The following COL19A1 variants were observed in gnomAD, a reference collection of about 807,000 sequenced individuals.
COL19A1 encodes collagen type XIX alpha 1 chain, also known as collagen alpha-1(XIX) chain.
In COL19A1, 159 loss-of-function variants were observed where a neutral mutation model predicts 190.2. That is an observed-to-expected ratio of 0.84 (90% confidence interval 0.73 to 0.95). COL19A1 has a LOEUF of 0.95. COL19A1 is among the 40% of genes least tolerant of loss of function. The probability of loss-of-function intolerance (pLI) is 0.00; values close to 1 mark genes in which losing one functional copy is unlikely to be tolerated. For missense variants in COL19A1, 1,418 were observed against 1,431.9 expected, an observed-to-expected ratio of 0.99 and a Z score of 0.16; for synonymous variants, 509 against 458.9, an observed-to-expected ratio of 1.11 and a Z score of -1.39.
rs1235501802 is a variant in COL19A1, at chr6:70,156,656, T to A, written c.2239-14T>A. On this transcript the variant is annotated splice_polypyrimidine_tract_variant and intron_variant, in intron 33 of 50. Coordinates refer to ENST00000620364, the MANE Select transcript of COL19A1 (RefSeq NM_001858.6). ...AATGATTGCATGTGCTAGCTGAATG[T>A]ATTGTCTTTTTAGGGAAGCAAAGGA... The A allele has an allele frequency of 1.2e-6, 2 of 1,611,112 alleles. No individual in the cohort carries two copies. Among genetic ancestry groups the A allele is most frequent in the Non-Finnish European group, 1.7e-6 (2 of 1,178,176 alleles).
rs779013876 is a variant in COL19A1, at chr6:70,023,645, G to A, written c.1045G>A (p.Gly349Arg). 1 of 1,610,686 alleles carries A rather than the reference G, an allele frequency of 6.2e-7. No homozygotes were observed. Among genetic ancestry groups the A allele is most frequent in the Non-Finnish European group, 8.5e-7 (1 of 1,179,134 alleles). ...TTTTTAGGGTGAACAAGGAGAAAAAGGAGATCCAGCTCTGGCTGGCCTTAA... is the reference window on the plus strand; with the variant it reads ...TTTTTAGGGTGAACAAGGAGAAAAAAGAGATCCAGCTCTGGCTGGCCTTAA... Reference protein sequence around the residue: ...TGEKGEQGEKGDPALAGLNGE... With the variant: ...TGEKGEQGEKRDPALAGLNGE... The change falls in exon 12 of 51, where the codon GGA becomes AGA. Residue 349 changes from glycine to arginine, a missense_variant. By Grantham distance (125) the Gly-to-Arg change is moderately radical (BLOSUM62 -2). Coordinates refer to ENST00000620364, the MANE Select transcript of COL19A1 (RefSeq NM_001858.6).
chr6:69,900,407 T>C, intron 4 of COL19A1, 69 bp downstream of exon 4: 1 of 858,354 alleles, frequency 1.2e-6, no homozygotes, highest in Non-Finnish European at 1.7e-6. Context: ...AGATTTCAAA[T>C]AATTTGTTTT....
In COL19A1 at chr6:69,932,771, A is replaced by T. The variant is rs1253106672; in HGVS notation, c.667-12A>T. The stretch of plus-strand genomic sequence containing the variant: ...AAACTAAAGATGTTTCTTATTACTA[A>T]TTTTTTCATAGATTGAACTTCACCA... On this transcript the variant is annotated splice_polypyrimidine_tract_variant and intron_variant, in intron 6 of 50. Transcript: ENST00000620364. 6.5e-7 allele frequency: 1 copy of T among 1,545,284 alleles called. No homozygotes were observed. Among genetic ancestry groups the T allele is most frequent in the East Asian group, 2.3e-5 (1 of 43,528 alleles).
intron 16 of COL19A1, among the ~76,000 whole-genome samples, chr6:70,116,768 A>G (rs548179443): frequency 1.4e-4 from 21 of 152,292 alleles, no homozygotes; most frequent in Admixed American, 5.9e-4. Context: ...CAAGCATTCT[A>G]TCTGTTCTTA....
rs1316135178 is a variant in COL19A1, at chr6:70,212,394, T to C, written c.*5120T>C. On this transcript the variant is annotated 3_prime_UTR_variant, in exon 51 of 51. Coordinates refer to ENST00000620364, the MANE Select transcript of COL19A1 (RefSeq NM_001858.6). ...GGGCATAATGCTTTGAGGCCTTGAT[T>C]CCTACATGTTCATTATGCATAATGA... 1.3e-5 allele frequency among the ~76,000 whole-genome samples: 2 copies of C among 152,230 alleles called. No homozygotes were observed. Among genetic ancestry groups the C allele is most frequent in the African/African-American group, 4.8e-5 (2 of 41,462 alleles).
At chr6:69,991,952 ATCT>A (rs1036411914) in intron 11 of COL19A1, among the ~76,000 whole-genome samples, 2 of 152,018 alleles carry the variant, frequency 1.3e-5, no homozygotes, top group African/African-American at 4.8e-5. Flanking sequence ...TGCTTTTGTC[ATCT>A]TCATCATGAA....
intron 11 of COL19A1, among the ~76,000 whole-genome samples, chr6:70,002,007 A>T (rs1040384103): frequency 1.3e-5 from 2 of 152,214 alleles, no homozygotes; most frequent in African/African-American, 4.8e-5. Flanking sequence ...TGGGTTTATC[A>T]TAAATAGCTC....
At chr6:69,962,435 C>T (rs966403911) in intron 10 of COL19A1, among the ~76,000 whole-genome samples, 1 of 152,114 alleles carries the variant, frequency 6.6e-6, no homozygotes, top group African/African-American at 2.4e-5. Flanking sequence ...AGGCTGTTTC[C>T]ACTGAATCTA....
chr6:70,162,858 T>C (rs1438088396), intron 35 of COL19A1, among the ~76,000 whole-genome samples: 2 of 151,700 alleles, frequency 1.3e-5, no homozygotes, highest in Non-Finnish European at 2.9e-5. Flanking sequence ...TGAAAAAGAG[T>C]TGTGAAAGAA....
intron 40 of COL19A1, 99 bp downstream of exon 40, chr6:70,168,780 C>A: frequency 8.3e-7 from 1 of 1,200,728 alleles, no homozygotes; most frequent in Non-Finnish European, 1.2e-6. Flanking sequence ...CTTAGGTGTT[C>A]ATCAATTAAC....
intron 48 of COL19A1, among the ~76,000 whole-genome samples, chr6:70,191,684 A>G (rs1766882728): frequency 6.6e-6 from 1 of 152,218 alleles, no homozygotes; most frequent in Non-Finnish European, 1.5e-5. Context: ...CATGATTTTG[A>G]CAAATGGTTT....
intron 48 of COL19A1, among the ~76,000 whole-genome samples, chr6:70,196,555 CAT>C (rs1383915696): frequency 3.2e-4 from 49 of 152,314 alleles, no homozygotes; most frequent in African/African-American, 8.2e-4. Context: ...GGCCAGATGA[CAT>C]GTGTGTGTTC....
chr6:69,932,652 A>T (rs1772853705), intron 6 of COL19A1, 131 bp from the exon 7 acceptor site: 1 of 583,364 alleles, frequency 1.7e-6, no homozygotes, highest in African/African-American at 1.9e-5. Context: ...TAATAAAAAC[A>T]TTAAAATATC....
Position 70,023,693 on chromosome 6 carries a change from C to G in COL19A1, c.1080+13C>G, listed in dbSNP as rs769816038. 6.2e-7 allele frequency: 1 copy of G among 1,603,272 alleles called. No individual in the cohort carries two copies. Among genetic ancestry groups the G allele is most frequent in the Non-Finnish European group, 8.5e-7 (1 of 1,175,284 alleles). ...TAATGGAGAAAATGTAAGCCTAACT[C>G]TTTTTTCTGATACTCTGTTTACATT... On this transcript the variant is annotated intron_variant, in intron 12 of 50. Coordinates refer to ENST00000620364, the MANE Select transcript of COL19A1 (RefSeq NM_001858.6).
chr6:69,986,859 G>C (rs1452778093), intron 11 of COL19A1, among the ~76,000 whole-genome samples: 1 of 152,094 alleles, frequency 6.6e-6, no homozygotes, highest in Non-Finnish European at 1.5e-5. Context: ...GAGTGCAATT[G>C]CCCATTAGAA....
intron 16 of COL19A1, among the ~76,000 whole-genome samples, chr6:70,109,450 T>C (rs1358711300): frequency 6.6e-6 from 1 of 151,882 alleles, no homozygotes; most frequent in Non-Finnish European, 1.5e-5. Context: ...CTTCATCATA[T>C]AGGGCCTTAT....
intron 31 of COL19A1, among the ~76,000 whole-genome samples, chr6:70,151,660 G>A (rs1787064225): frequency 6.6e-6 from 1 of 152,018 alleles, no homozygotes; most frequent in South Asian, 2.1e-4. Flanking sequence ...CTCATTTTGG[G>A]TGGGGCAGGG....
Position 69,927,957 on chromosome 6 carries a change from GTTTCGAGTACGAAGAA to G in COL19A1, c.316_331del (p.Phe106ThrfsTer13). On this transcript the variant is annotated frameshift_variant, in exon 5 of 51. Coordinates refer to ENST00000620364, the MANE Select transcript of COL19A1 (RefSeq NM_001858.6). LOFTEE classifies it high-confidence loss of function. ...CTGAGGAGTACTCAGTAGCTGCCAT[GTTTCGAGTACGAAGAA>G]ACGCCAAAAAGGAACGGTGGTTTCT... 6.2e-7 allele frequency: 1 copy of G among 1,613,452 alleles called. No homozygotes were observed. Among genetic ancestry groups the G allele is most frequent in the Non-Finnish European group, 8.5e-7 (1 of 1,179,562 alleles).
chr6:69,870,845 G>A (rs1451167930), intron 1 of COL19A1, among the ~76,000 whole-genome samples: 1 of 152,176 alleles, frequency 6.6e-6, no homozygotes, highest in Admixed American at 6.5e-5. Context: ...GTTTCAGCGA[G>A]GATGAGAAAG....
Sources: allele counts gnomAD v4.1 joint callset (sites outside exome capture counted in the v4.1 genomes callset), GRCh38; gene constraint gnomAD v4.1.1; transcripts MANE v1.5; gene names NCBI Gene and HGNC (gene_info 2026-07-23, HGNC 2026-07-21).